Variants in COL21A1 observed in about 807,000 individuals in gnomAD.
COL21A1 encodes the protein collagen alpha-1(XXI) chain.
A neutral mutation model predicts 137.9 loss-of-function variants in COL21A1; 149 were observed. That is an observed-to-expected ratio of 1.08 (90% CI 0.95 to 1.24). The LOEUF is 1.24. Among genes scored for constraint, COL21A1 ranks in the 50% most tolerant of loss-of-function variants. COL21A1 has a pLI of 0.00. For synonymous variants in COL21A1, 456 were observed against 391.5 expected (o/e 1.16, Z -1.95); for missense variants, 1,167 against 1,158.4 (o/e 1.01, Z -0.11).
chr6:56,351,845 A>G (rs900002154), intron 1 of COL21A1, among the ~76,000 whole-genome samples: 16 of 152,228 alleles, frequency 1.1e-4, no homozygotes, highest in Non-Finnish European at 2.2e-4. Flanking sequence ...TGATTTTAAC[A>G]AGACATAGAG....
At chr6:56,246,140 G>A (rs1413036909) in intron 1 of COL21A1, among the ~76,000 whole-genome samples, 1 of 152,056 alleles carries the variant, frequency 6.6e-6, no homozygotes. Context: ...TAATCCAGAG[G>A]CCTGCAACAC....
intron 1 of COL21A1, among the ~76,000 whole-genome samples, chr6:56,291,837 G>A (rs963383002): frequency 2.0e-5 from 3 of 152,158 alleles, no homozygotes; most frequent in Non-Finnish European, 4.4e-5. Flanking sequence ...TAATGCTGAA[G>A]ATACAAACCA....
At chr6:56,307,448 G>A (rs1764492377) in intron 1 of COL21A1, among the ~76,000 whole-genome samples, 2 of 152,174 alleles carry the variant, frequency 1.3e-5, no homozygotes, top group African/African-American at 2.4e-5. Flanking sequence ...CAGCCTCGCT[G>A]CCGCCTTGCA....
chr6:56,067,413 G>C, intron 22 of COL21A1, 83 bp from the exon 23 acceptor site: 1 of 1,270,106 alleles, frequency 7.9e-7, no homozygotes, highest in Non-Finnish European at 1.1e-6. Context: ...CTCTGCTGAA[G>C]AAAAACAACA....
chr6:56,088,532 T>C (rs1023113671), intron 17 of COL21A1, among the ~76,000 whole-genome samples: 1 of 152,166 alleles, frequency 6.6e-6, no homozygotes, highest in Non-Finnish European at 1.5e-5. Context: ...AGCAACAGTT[T>C]CACAAATTTC....
At chr6:56,361,778 GGT>G (rs141505238) in intron 1 of COL21A1, among the ~76,000 whole-genome samples, 27 of 150,950 alleles carry the variant, frequency 1.8e-4, no homozygotes, top group African/African-American at 5.6e-4. Context: ...GTGTGTGTGT[GGT>G]GTGTGTGTGT....
At chr6:56,081,326 T>C (rs1207860210) in intron 17 of COL21A1, among the ~76,000 whole-genome samples, 3 of 151,672 alleles carry the variant, frequency 2.0e-5, no homozygotes, top group Non-Finnish European at 4.4e-5. Flanking sequence ...TGTAGGATGA[T>C]GCTAGCAATC....
At chr6:56,134,176 C>T (rs1773802270) in intron 12 of COL21A1, among the ~76,000 whole-genome samples, 1 of 152,182 alleles carries the variant, frequency 6.6e-6, no homozygotes, top group South Asian at 2.1e-4. Context: ...CTGTACCCTG[C>T]AAAGCTACAG....
chr6:56,170,588 TA>T, intron 5 of COL21A1, 60 bp downstream of exon 5: 2 of 1,153,938 alleles, frequency 1.7e-6, no homozygotes, highest in African/African-American at 1.5e-5. Flanking sequence ...CCAACACACA[TA>T]AACCCAATAG....
intron 1 of COL21A1, among the ~76,000 whole-genome samples, chr6:56,199,788 T>C (rs1779255920): frequency 6.6e-6 from 1 of 152,176 alleles, no homozygotes; most frequent in Non-Finnish European, 1.5e-5. Context: ...ATTACATTCA[T>C]TCAACGACAA....
intron 17 of COL21A1, among the ~76,000 whole-genome samples, chr6:56,089,845 C>T (rs1024117985): frequency 6.6e-6 from 1 of 151,952 alleles, no homozygotes; most frequent in East Asian, 1.9e-4. Flanking sequence ...AATTTCAGGG[C>T]TCAATAAAGC....
chr6:56,069,402 G>A lies in COL21A1; in HGVS notation c.2020-285C>T, dbSNP rs193002619. On this transcript the variant is annotated intron_variant, in intron 21 of 29. Coordinates refer to ENST00000244728, the MANE Select transcript of COL21A1 (RefSeq NM_030820.4). ...ATACTTTATAATTTCAATAATAAAC[G>A]AAATAATAAAGTTGTAAAAATAATA... Among the ~76,000 whole-genome samples, 214 of 150,884 alleles carry A rather than the reference G, an allele frequency of 1.4e-3. 1 individual carries two copies. The highest frequency in any genetic ancestry group is 5.0e-3 in the African/African-American group (207 of 41,242).
intron 1 of COL21A1, among the ~76,000 whole-genome samples, chr6:56,361,974 T>A (rs1329489071): frequency 6.6e-6 from 1 of 152,180 alleles, no homozygotes; most frequent in Non-Finnish European, 1.5e-5. Context: ...TGGCCTTCCA[T>A]CAGGAACAGT....
Position 56,224,149 on chromosome 6 carries a change from A to G in COL21A1, c.-39+23238T>C, listed in dbSNP as rs1460181906. Among the ~76,000 whole-genome samples the G allele has an allele frequency of 2.0e-5, 3 of 152,240 alleles. No individual in the cohort carries two copies. In the East Asian group the frequency reaches 5.8e-4, roughly 29 times the overall value. ...CACACCCACTATGCACATAGCATCT[A>G]TCTGGGTCCTTCCATATCACCCCAC... On this transcript the variant is annotated intron_variant, in intron 1 of 29. Transcript: ENST00000244728.
At chr6:56,248,338 C>T (rs1032644545), upstream of COL21A1, among the ~76,000 whole-genome samples, 1 of 152,228 alleles carries the variant, frequency 6.6e-6, no homozygotes, top group African/African-American at 2.4e-5. Context: ...GCCTCCAAAA[C>T]TCTGTCCCAG....
In COL21A1 at chr6:56,166,935, G is replaced by C; in HGVS notation, c.1249C>G (p.Arg417Gly). Reference sequence around the variant, plus strand: ...CCAGGAATCTCACATGCTGTCTCCCGGTTGTTCTGTTCTGGGTCACAGTAG... The same window carrying C: ...CCAGGAATCTCACATGCTGTCTCCCCGTTGTTCTGTTCTGGGTCACAGTAG... ...RIYCDPEQNN[R>G]ETACEIPGFN... is the part of the protein sequence containing the mutation. The change falls in exon 7 of 30, where the codon CGG becomes GGG. Residue 417 changes from arginine to glycine, a missense_variant. Transcript: ENST00000244728. 1 of 1,612,644 alleles carries C rather than the reference G, an allele frequency of 6.2e-7. No homozygotes were observed.
intron 17 of COL21A1, among the ~76,000 whole-genome samples, chr6:56,097,611 T>C (rs773715520): frequency 3.1e-4 from 47 of 150,406 alleles, no homozygotes; most frequent in African/African-American, 2.4e-5. Flanking sequence ...GCAACAACTC[T>C]AGACAGGAAT....
upstream of COL21A1, among the ~76,000 whole-genome samples, chr6:56,250,576 A>C (rs2152329035): frequency 6.6e-6 from 1 of 152,300 alleles, no homozygotes; most frequent in East Asian, 1.9e-4. Flanking sequence ...GATGACCCTG[A>C]GCCTAGATGA....
chr6:56,121,820 T>C (rs78175959), intron 16 of COL21A1, among the ~76,000 whole-genome samples: 1,551 of 151,934 alleles, frequency 0.01, 18 homozygotes, highest in Non-Finnish European at 0.017. Context: ...AAAAATAAAG[T>C]AATTTAAACA....
Sources: allele counts gnomAD v4.1 joint callset (sites outside exome capture counted in the v4.1 genomes callset), GRCh38; gene constraint gnomAD v4.1.1; transcripts MANE v1.5; gene names NCBI Gene and HGNC (gene_info 2026-07-23, HGNC 2026-07-21).